Variants in ALDH18A1 observed in about 807,000 individuals in gnomAD.
ALDH18A1 encodes delta-1-pyrroline-5-carboxylate synthase.
Under a neutral mutation model 88.8 loss-of-function variants are expected in ALDH18A1, and 44 were observed. The ratio of observed to expected loss-of-function variants is 0.50; its 90% CI spans 0.39 to 0.64. The LOEUF (loss-of-function observed/expected upper bound fraction) is 0.64, where lower values mean the gene tolerates loss of function less well. ALDH18A1 is among the 30% of genes least tolerant of loss of function. The pLI is 0.00. For missense variants in ALDH18A1, 782 were observed against 1,009.5 expected, an observed-to-expected ratio of 0.77 and a Z score of 3.05; for synonymous variants, 331 against 372.1, an observed-to-expected ratio of 0.89 and a Z score of 1.27.
intron 12 of ALDH18A1, among the ~76,000 whole-genome samples, chr10:95,618,849 G>A (rs1374211009): frequency 1.3e-5 from 2 of 152,072 alleles, no homozygotes; most frequent in East Asian, 1.9e-4. Context: ...GGTTGATTTG[G>A]GTTCCAGTCC....
At chr10:95,609,233 G>A (rs10882639) in intron 17 of ALDH18A1, among the ~76,000 whole-genome samples, 27,794 of 152,136 alleles carry the variant, frequency 0.18, 2,839 homozygotes, top group Middle Eastern at 0.28. Flanking sequence ...ACCCCAACAC[G>A]ACAGAGGGCT....
At chr10:95,607,967 C>G (rs10882638) in intron 17 of ALDH18A1, among the ~76,000 whole-genome samples, 58,802 of 152,158 alleles carry the variant, frequency 0.39, 12,961 homozygotes, top group Admixed American at 0.5. Flanking sequence ...CAATAGCATA[C>G]AGACCACATG....
intron 16 of ALDH18A1, among the ~76,000 whole-genome samples, chr10:95,610,627 T>C (rs1165512542): frequency 6.6e-6 from 1 of 152,168 alleles, no homozygotes; most frequent in Admixed American, 6.5e-5. Context: ...CTTCTGCAGG[T>C]GTACAAAACT....
chr10:95,648,078 C>T (rs1052892857), intron 2 of ALDH18A1, among the ~76,000 whole-genome samples: 4 of 152,154 alleles, frequency 2.6e-5, no homozygotes, highest in Admixed American at 6.5e-5. Context: ...AACTTGAAGC[C>T]AGTCAGTCAG....
intron 12 of ALDH18A1, 49 bp from the exon 13 acceptor site, chr10:95,616,663 G>GC (rs1205949614): frequency 6.3e-7 from 1 of 1,578,092 alleles, no homozygotes; most frequent in East Asian, 2.3e-5. Context: ...AACAGTAATA[G>GC]CAACAGTGAT....
chr10:95,625,751 A>G (rs552226029), intron 10 of ALDH18A1, among the ~76,000 whole-genome samples: 42 of 151,468 alleles, frequency 2.8e-4, no homozygotes, highest in Non-Finnish European at 5.2e-4. Context: ...ATCAGGAGTC[A>G]TAAGAAAAAA....
rs140190714 is a variant in ALDH18A1, at chr10:95,639,973, C to T, written c.304-2537G>A. Among the ~76,000 whole-genome samples, 1,141 of 151,470 alleles carry T rather than the reference C, an allele frequency of 7.5e-3. 8 individuals are homozygous for T. The highest frequency in any genetic ancestry group is 0.013 in the Non-Finnish European group (860 of 67,902). On this transcript the variant is annotated intron_variant, in intron 3 of 17. Transcript: ENST00000371224. ...TATAAGTTGTGGTGTACATGTTCAT[C>T]AAGGGGATACATAATGCCTGGTTAT...
chr10:95,648,584 C>T (rs915875620), intron 2 of ALDH18A1, among the ~76,000 whole-genome samples: 3 of 152,180 alleles, frequency 2.0e-5, no homozygotes, highest in African/African-American at 7.2e-5. Flanking sequence ...GGCCCCGTAA[C>T]TTGCTTTGAC....
chr10:95,610,901 A>G (rs1172105430), intron 16 of ALDH18A1, among the ~76,000 whole-genome samples: 2 of 152,212 alleles, frequency 1.3e-5, no homozygotes, highest in African/African-American at 4.8e-5. Context: ...TTTGTGGAAT[A>G]AATGAATGAA....
intron 13 of ALDH18A1, 91 bp from the exon 14 acceptor site, chr10:95,614,252 A>G: frequency 7.5e-7 from 1 of 1,331,490 alleles, no homozygotes; most frequent in Non-Finnish European, 1.1e-6. Context: ...AAACATCTGT[A>G]CACTCTGAGA....
intron 3 of ALDH18A1, among the ~76,000 whole-genome samples, chr10:95,641,763 C>G (rs2097892085): frequency 1.3e-5 from 2 of 152,154 alleles, no homozygotes; most frequent in South Asian, 4.1e-4. Flanking sequence ...CTCAGCCTCC[C>G]GAGTAGCCGG....
chr10:95,616,985 G>A (rs575869801), intron 12 of ALDH18A1, among the ~76,000 whole-genome samples: 27 of 152,254 alleles, frequency 1.8e-4, no homozygotes, highest in African/African-American at 6.0e-4. Context: ...GGTGGCTCAC[G>A]CCTGTAATCT....
At chr10:95,638,157 G>A (rs997272941) in intron 3 of ALDH18A1, among the ~76,000 whole-genome samples, 28 of 152,196 alleles carry the variant, frequency 1.8e-4, no homozygotes, top group Admixed American at 1.4e-3. Context: ...GGAACTACAG[G>A]CTCATGCCAC....
rs201841420 is a variant in ALDH18A1 at position 95,633,499 on chromosome 10, C to A, written c.709G>T (p.Gly237Trp). 16 of 1,614,016 alleles carry A rather than the reference C, an allele frequency of 9.9e-6. No homozygotes were observed. Among genetic ancestry groups the A allele is most frequent in the African/African-American group, 1.3e-5 (1 of 74,896 alleles). The change falls in exon 6 of 18, where the codon GGG (glycine) becomes TGG (tryptophan). Residue 237 changes from glycine to tryptophan, a missense_variant. By Grantham distance (184) the Gly-to-Trp change is radical. This residue lies in a region of ALDH18A1 where 132 missense variants were observed against 255.5 expected (regional missense o/e 0.52). Coordinates refer to ENST00000371224, the MANE Select transcript of ALDH18A1 (RefSeq NM_002860.4). ...AGAAATACTTTACCCACATTTACCC[C>A]CTGCAGGTCACTGTTGGGCTCAGCT... ...PPAEPNSDLQGVNVISVKDND... is the reference protein window; with the variant it reads ...PPAEPNSDLQWVNVISVKDND...
chr10:95,628,688 T>C, intron 7 of ALDH18A1, 196 bp from the exon 8 acceptor site: 1 of 616,834 alleles, frequency 1.6e-6, no homozygotes. Flanking sequence ...CACCTTACAT[T>C]ATTTCTATAA....
At chr10:95,645,813 G>A (rs1360657948) in intron 2 of ALDH18A1, among the ~76,000 whole-genome samples, 3 of 152,114 alleles carry the variant, frequency 2.0e-5, no homozygotes, top group African/African-American at 7.2e-5. Flanking sequence ...GTCTCTTCCT[G>A]CTGTGGGAGT....
At chr10:95,616,969 AGGTAT>A (rs1340466328) in intron 12 of ALDH18A1, among the ~76,000 whole-genome samples, 2 of 152,178 alleles carry the variant, frequency 1.3e-5, no homozygotes, top group Non-Finnish European at 2.9e-5. Context: ...TGAGTTGGCC[AGGTAT>A]GGTGGCTCAC....
In ALDH18A1 at chr10:95,610,193, T is replaced by C; in HGVS notation, c.2206+4A>G. ...TCTTTCTTCCCAACCAGAGTCTTTC[T>C]TACCCAGTCCAAAGCGGTAACCATC... On this transcript the variant is annotated splice_donor_region_variant and intron_variant, in intron 17 of 17. Coordinates refer to ENST00000371224, the MANE Select transcript of ALDH18A1 (RefSeq NM_002860.4). The C allele has an allele frequency of 6.2e-7, 1 of 1,613,900 alleles. No homozygotes were observed. The highest frequency in any genetic ancestry group is 8.5e-7 in the Non-Finnish European group (1 of 1,179,814).
At chr10:95,607,046 T>G in intron 17 of ALDH18A1, 103 bp from the exon 18 acceptor site, 6 of 1,189,164 alleles carry the variant, frequency 5.0e-6, no homozygotes, top group Non-Finnish European at 7.5e-6. Context: ...GTACCCTCTC[T>G]TCCTGCTAAC....
Sources: allele counts gnomAD v4.1 joint callset (sites outside exome capture counted in the v4.1 genomes callset), GRCh38; gene constraint gnomAD v4.1.1; regional missense constraint gnomAD v4.1.1; transcripts MANE v1.5; gene names NCBI Gene and HGNC (gene_info 2026-07-23, HGNC 2026-07-21).